The following CDKAL1 variants were observed in gnomAD, a reference collection of about 807,000 sequenced individuals.
CDKAL1 encodes the protein CDKAL1 threonylcarbamoyladenosine tRNA methylthiotransferase.
CDKAL1 carries 32 observed loss-of-function variants against 68.2 expected under a neutral mutation model. The ratio of observed to expected loss-of-function variants is 0.47; its 90% CI spans 0.35 to 0.63. The LOEUF (loss-of-function observed/expected upper bound fraction) is 0.63. Among genes scored for constraint, CDKAL1 ranks in the 30% least tolerant of loss-of-function variants. The pLI is 0.00. For missense variants in CDKAL1, 606 were observed against 696.7 expected (o/e 0.87, Z 1.47); for synonymous variants, 234 against 244.3 (o/e 0.96, Z 0.39).
rs559183540 is a variant in CDKAL1 at position 20,768,133 on chromosome 6, T to C, written c.517+9490T>C. Among the ~76,000 whole-genome samples the C allele has an allele frequency of 1.7e-3, 253 of 152,292 alleles. 4 individuals are homozygous for C. Among genetic ancestry groups the C allele is most frequent in the Admixed American group, 2.9e-3 (44 of 15,306 alleles). Reference sequence around the variant, plus strand: ...TGAAGCTGCACTGAAAAGTCAGCGCTGTGTTGGGTGCTGTTGGGTGCTGCT... The same window carrying C: ...TGAAGCTGCACTGAAAAGTCAGCGCCGTGTTGGGTGCTGTTGGGTGCTGCT... On this transcript the variant is annotated intron_variant, in intron 7 of 15. Transcript: ENST00000274695.
At chr6:20,573,222 T>C (rs1464244452) in intron 4 of CDKAL1, among the ~76,000 whole-genome samples, 3 of 152,200 alleles carry the variant, frequency 2.0e-5, no homozygotes, top group Non-Finnish European at 4.4e-5. Context: ...TTCAATGTTG[T>C]TGTTGTCATT....
intron 11 of CDKAL1, among the ~76,000 whole-genome samples, chr6:21,003,365 T>TAG (rs1409256066): frequency 1.6e-5 from 1 of 62,386 alleles, no homozygotes; most frequent in African/African-American, 1.0e-4. Context: ...TATATATATA[T>TAG]ATATATACAC....
chr6:20,990,104 G>A (rs1322540787), intron 10 of CDKAL1, among the ~76,000 whole-genome samples: 5 of 152,058 alleles, frequency 3.3e-5, no homozygotes, highest in Non-Finnish European at 4.4e-5. Context: ...TTAGCTGGGC[G>A]TGGTGGCACG....
intron 9 of CDKAL1, among the ~76,000 whole-genome samples, chr6:20,852,635 G>C (rs1759079587): frequency 6.6e-6 from 1 of 152,222 alleles, no homozygotes. Flanking sequence ...ATTAATCGCT[G>C]TGACTTCAGG....
chr6:20,654,698 A>C (rs1768945596), intron 5 of CDKAL1, among the ~76,000 whole-genome samples: 1 of 152,016 alleles, frequency 6.6e-6, no homozygotes, highest in Admixed American at 6.6e-5. Context: ...AGTATCATTT[A>C]TTTATTTAAG....
intron 10 of CDKAL1, among the ~76,000 whole-genome samples, chr6:20,960,486 C>G (rs1658508415): frequency 1.3e-5 from 2 of 152,202 alleles, no homozygotes; most frequent in Admixed American, 1.3e-4. Context: ...CAACAGGTCT[C>G]TGTCTCTTTG....
chr6:20,657,824 T>G (rs570662538), intron 5 of CDKAL1, among the ~76,000 whole-genome samples: 42 of 152,308 alleles, frequency 2.8e-4, no homozygotes, highest in African/African-American at 9.1e-4. Flanking sequence ...GGTTGCCTTT[T>G]CACCTTAGAA....
intron 4 of CDKAL1, among the ~76,000 whole-genome samples, chr6:20,592,302 A>G (rs1307084354): frequency 6.6e-6 from 1 of 152,168 alleles, no homozygotes; most frequent in Non-Finnish European, 1.5e-5. Flanking sequence ...GTCATCTGCA[A>G]ACAGAGGTAA....
chr6:20,769,486 T>C (rs920084506), intron 7 of CDKAL1, among the ~76,000 whole-genome samples: 2 of 152,088 alleles, frequency 1.3e-5, no homozygotes, highest in African/African-American at 2.4e-5. Flanking sequence ...CTCGAACTCC[T>C]TGCCTCATGT....
At chr6:20,827,741 A>G (rs1203989696) in intron 8 of CDKAL1, among the ~76,000 whole-genome samples, 1 of 152,200 alleles carries the variant, frequency 6.6e-6, no homozygotes. Context: ...TGATTTGTCA[A>G]TGAGGTAGTA....
At chr6:20,733,361 G>T (rs1189606733) in intron 5 of CDKAL1, among the ~76,000 whole-genome samples, 1 of 152,090 alleles carries the variant, frequency 6.6e-6, no homozygotes, top group Admixed American at 6.5e-5. Context: ...TTTTCCTTGT[G>T]TCTGGCATGT....
intron 9 of CDKAL1, among the ~76,000 whole-genome samples, chr6:20,931,360 G>C (rs527290470): frequency 5.9e-5 from 9 of 152,270 alleles, no homozygotes; most frequent in African/African-American, 2.2e-4. Context: ...TGAATGGTAA[G>C]AATCCAGTGT....
At chr6:20,845,108 A>G (rs1362218109) in intron 8 of CDKAL1, among the ~76,000 whole-genome samples, 2 of 152,254 alleles carry the variant, frequency 1.3e-5, no homozygotes, top group Non-Finnish European at 1.5e-5. Flanking sequence ...AAAGTCACAT[A>G]TTCATAAAAT....
intron 9 of CDKAL1, among the ~76,000 whole-genome samples, chr6:20,925,232 A>C (rs376536530): frequency 4.9e-4 from 74 of 152,368 alleles, no homozygotes; most frequent in African/African-American, 1.7e-3. Flanking sequence ...GTAGCAATAA[A>C]GTATTTTAAA....
At chr6:21,056,431 G>A (rs1010637310) in intron 11 of CDKAL1, among the ~76,000 whole-genome samples, 4 of 152,072 alleles carry the variant, frequency 2.6e-5, no homozygotes, top group Admixed American at 1.3e-4. Flanking sequence ...GTGCTGAGAC[G>A]ATGGGGTTTT....
intron 13 of CDKAL1, among the ~76,000 whole-genome samples, chr6:21,192,171 A>C (rs9295502): frequency 1.2e-4 from 18 of 144,720 alleles, no homozygotes; most frequent in Non-Finnish European, 2.7e-4. Flanking sequence ...ACAGGCGCCC[A>C]CCACCGCGCC....
At chr6:20,729,621 C>A (rs1024398956) in intron 5 of CDKAL1, among the ~76,000 whole-genome samples, 2 of 152,142 alleles carry the variant, frequency 1.3e-5, no homozygotes, top group Non-Finnish European at 2.9e-5. Flanking sequence ...TAACATTTAA[C>A]CCTCACGACA....
At chr6:21,083,161 C>T (rs887203011) in intron 12 of CDKAL1, among the ~76,000 whole-genome samples, 7 of 152,024 alleles carry the variant, frequency 4.6e-5, no homozygotes, top group Non-Finnish European at 8.8e-5. Context: ...CCACCATGCC[C>T]GGTCTCATTT....
intron 9 of CDKAL1, among the ~76,000 whole-genome samples, chr6:20,901,120 G>A (rs1761940236): frequency 6.6e-6 from 1 of 151,886 alleles, no homozygotes; most frequent in Admixed American, 6.6e-5. Flanking sequence ...AGAGAGGCCA[G>A]GAGAGGACAG....
Sources: allele counts gnomAD v4.1 joint callset (sites outside exome capture counted in the v4.1 genomes callset), GRCh38; gene constraint gnomAD v4.1.1; transcripts MANE v1.5; gene names NCBI Gene and HGNC (gene_info 2026-07-23, HGNC 2026-07-21).